Variants in SLC24A4 observed in about 807,000 individuals in gnomAD.
SLC24A4 encodes the protein sodium/potassium/calcium exchanger 4.
SLC24A4 carries 53 observed loss-of-function variants against 79.0 expected under a neutral mutation model. The ratio of observed to expected loss-of-function variants is 0.67; its 90% CI spans 0.54 to 0.84. SLC24A4 has a LOEUF of 0.84. Ranked by LOEUF, SLC24A4 falls within the 40% of genes least tolerant of loss-of-function variation. The pLI is 0.00. For synonymous variants in SLC24A4, 323 were observed against 323.8 expected (o/e 1.00, Z 0.03); for missense variants, 731 against 822.0 (o/e 0.89, Z 1.35).
At chr14:92,359,963 G>A (rs557900506) in intron 2 of SLC24A4, among the ~76,000 whole-genome samples, 4 of 152,346 alleles carry the variant, frequency 2.6e-5, no homozygotes, top group African/African-American at 9.6e-5. Flanking sequence ...TGTGTCACCA[G>A]GCTGGAGTGC....
chr14:92,403,513 CAGG>C (rs1890219821), intron 2 of SLC24A4, among the ~76,000 whole-genome samples: 1 of 151,452 alleles, frequency 6.6e-6, no homozygotes, highest in Non-Finnish European at 1.5e-5. Context: ...GAGGCTGAGG[CAGG>C]AGAATTGTGT....
chr14:92,380,586 C>T (rs919212151), intron 2 of SLC24A4, among the ~76,000 whole-genome samples: 5 of 152,224 alleles, frequency 3.3e-5, no homozygotes, highest in Non-Finnish European at 7.3e-5. Flanking sequence ...TAGACCTTCC[C>T]GGCAACAACT....
chr14:92,326,672 C>G (rs962120602), intron 2 of SLC24A4, among the ~76,000 whole-genome samples: 3 of 152,196 alleles, frequency 2.0e-5, no homozygotes, highest in Admixed American at 6.5e-5. Flanking sequence ...CTCACAGCCA[C>G]TGCCCAGATC....
chr14:92,492,335 C>A, intron 16 of SLC24A4, 95 bp downstream of exon 16: 1 of 1,202,824 alleles, frequency 8.3e-7, no homozygotes, highest in Non-Finnish European at 1.2e-6. Flanking sequence ...ACCCCTGTCA[C>A]TTCCCTTGGT....
chr14:92,429,066 A>G (rs1016196712), intron 2 of SLC24A4, among the ~76,000 whole-genome samples: 6 of 152,024 alleles, frequency 3.9e-5, no homozygotes, highest in African/African-American at 1.2e-4. Flanking sequence ...AAGTGTCGAG[A>G]GGCTGTCCTG....
chr14:92,440,872 G>A (rs1233237486), intron 4 of SLC24A4, among the ~76,000 whole-genome samples: 4 of 151,662 alleles, frequency 2.6e-5, no homozygotes, highest in Non-Finnish European at 5.9e-5. Flanking sequence ...GAAGGGAAGG[G>A]AAGGGAAGGG....
chr14:92,397,639 G>A (rs1267576868), intron 2 of SLC24A4, among the ~76,000 whole-genome samples: 1 of 152,148 alleles, frequency 6.6e-6, no homozygotes, highest in African/African-American at 2.4e-5. Context: ...GATGGTGTGT[G>A]GGCTGGTGAT....
intron 4 of SLC24A4, among the ~76,000 whole-genome samples, chr14:92,440,881 G>A (rs1892452877): frequency 6.6e-6 from 1 of 151,520 alleles, no homozygotes; most frequent in African/African-American, 2.4e-5. Context: ...GGAAGGGAAG[G>A]GCATCCCAGG....
Position 92,325,946 on chromosome 14 carries a change from G to A in SLC24A4, c.209G>A (p.Gly70Glu), listed in dbSNP as rs1885102244. ...RNRKLMAPVNGTQTAKNCTDP... is the reference protein window; with the variant it reads ...RNRKLMAPVNETQTAKNCTDP... ...AGAAAGTTGATGGCCCCAGTGAATG[G>A]GACACAGACAGCCAAGAACTGCACA... Residue 70 changes from glycine (G) to glutamate (E), a missense_variant, in exon 2 of 17, where the codon GGG (glycine) becomes GAG (glutamate). Coordinates refer to ENST00000532405, the MANE Select transcript of SLC24A4 (RefSeq NM_153646.4). 1 of 1,612,620 alleles carries A rather than the reference G, an allele frequency of 6.2e-7. No individual in the cohort carries two copies. Among genetic ancestry groups the A allele is most frequent in the Non-Finnish European group, 8.5e-7 (1 of 1,179,220 alleles).
At chr14:92,433,516 C>T (rs946424589) in intron 2 of SLC24A4, among the ~76,000 whole-genome samples, 1 of 152,148 alleles carries the variant, frequency 6.6e-6, no homozygotes, top group South Asian at 2.1e-4. Context: ...TGAGGAACTG[C>T]CAGACTGCCT....
intron 13 of SLC24A4, chr14:92,484,687 G>A: frequency 1.0e-6 from 1 of 985,286 alleles, no homozygotes; most frequent in South Asian, 4.7e-5. Flanking sequence ...GGGGACATGG[G>A]GACACTTGAA....
chr14:92,409,394 C>T (rs1415538494), intron 2 of SLC24A4, among the ~76,000 whole-genome samples: 1 of 152,104 alleles, frequency 6.6e-6, no homozygotes, highest in African/African-American at 2.4e-5. Context: ...TGCCTGGGAG[C>T]GAGGGATGGA....
At chr14:92,339,730 G>A (rs77514674) in intron 2 of SLC24A4, among the ~76,000 whole-genome samples, 7,788 of 152,304 alleles carry the variant, frequency 0.051, 642 homozygotes, top group African/African-American at 0.18. Flanking sequence ...TGCAGGCTTT[G>A]GGAGCCAGGG....
intron 2 of SLC24A4, among the ~76,000 whole-genome samples, chr14:92,427,423 T>C (rs1891624426): frequency 6.6e-6 from 1 of 152,262 alleles, no homozygotes; most frequent in Admixed American, 6.5e-5. Flanking sequence ...GTGCAGGGCC[T>C]TGAAGGCCAA....
chr14:92,424,943 C>G (rs560315355), intron 2 of SLC24A4, among the ~76,000 whole-genome samples: 2 of 152,274 alleles, frequency 1.3e-5, no homozygotes, highest in Non-Finnish European at 2.9e-5. Context: ...TCACTCACCA[C>G]TTGCGCCCAG....
At position 92,441,647 on chromosome 14, in the gene SLC24A4, A is replaced by G. The variant is rs1440723961; in HGVS notation, c.394-442A>G. ...CCAGACCCTGTTCTAGGCACCAGGG[A>G]TGCAAAGTTGGGAAAGACCAGTTGC... On this transcript the variant is annotated intron_variant, in intron 4 of 16. Coordinates refer to ENST00000532405, the MANE Select transcript of SLC24A4 (RefSeq NM_153646.4). This position sits in a 1 kb window ranked among gnomAD's most constrained non-coding sequence, Gnocchi z 4.6. Among the ~76,000 whole-genome samples the G allele has an allele frequency of 1.3e-5, 2 of 152,220 alleles. No individual in the cohort carries two copies. The highest frequency in any genetic ancestry group is 4.8e-5 in the African/African-American group (2 of 41,452).
chr14:92,351,097 A>G (rs545955756), intron 2 of SLC24A4, among the ~76,000 whole-genome samples: 1 of 152,132 alleles, frequency 6.6e-6, no homozygotes, highest in African/African-American at 2.4e-5. Context: ...TTCATAAGCC[A>G]CTCAATCTAT....
At chr14:92,370,100 A>T (rs1396769256) in intron 2 of SLC24A4, among the ~76,000 whole-genome samples, 1 of 152,232 alleles carries the variant, frequency 6.6e-6, no homozygotes, top group East Asian at 1.9e-4. Context: ...TAGGATTGAG[A>T]AGTCTCAAAA....
At chr14:92,397,306 C>T (rs1889831927) in intron 2 of SLC24A4, among the ~76,000 whole-genome samples, 1 of 152,210 alleles carries the variant, frequency 6.6e-6, no homozygotes, top group Admixed American at 6.5e-5. Flanking sequence ...GGCTTGGCAT[C>T]TGGCTGGGCA....
Sources: allele counts gnomAD v4.1 joint callset (sites outside exome capture counted in the v4.1 genomes callset), GRCh38; gene constraint gnomAD v4.1.1; non-coding constraint Gnocchi (gnomAD v3.1); transcripts MANE v1.5; gene names NCBI Gene and HGNC (gene_info 2026-07-23, HGNC 2026-07-21).